Variants in RNF6 observed in about 807,000 individuals in gnomAD.
RNF6 encodes the protein E3 ubiquitin-protein ligase RNF6.
RNF6 carries 21 observed loss-of-function variants against 50.1 expected under a neutral mutation model. That is an observed-to-expected ratio of 0.42 (90% CI 0.30 to 0.60). RNF6 has a LOEUF of 0.60. Ranked by LOEUF, RNF6 falls within the 20% of genes least tolerant of loss-of-function variation. The pLI is 0.20. For synonymous variants in RNF6, 255 were observed against 291.8 expected (o/e 0.87, Z 1.29); for missense variants, 698 against 838.2 (o/e 0.83, Z 2.07).
intron 5 of RNF6, among the ~76,000 whole-genome samples, chr13:26,180,979 G>T (rs1346897995): frequency 6.6e-6 from 1 of 152,218 alleles, no homozygotes; most frequent in Admixed American, 6.5e-5. Flanking sequence ...CACTTGGGGT[G>T]CTGGCTGTCC....
chr13:26,166,819 C>T (rs1415211999), intron 5 of RNF6, among the ~76,000 whole-genome samples: 1 of 152,120 alleles, frequency 6.6e-6, no homozygotes, highest in Non-Finnish European at 1.5e-5. Flanking sequence ...ACTCAGGAGG[C>T]TGAGGCATGA....
rs145006986 is a variant in RNF6 at position 26,186,657 on chromosome 13, G to A, written n.768+28817C>T. The stretch of plus-strand genomic sequence containing the variant: ...TCTCAGCTCTCACAGGGCCCGCAGC[G>A]GCGCTATACCTTCGGCCACAGGTAG... On this transcript the variant is annotated intron_variant and non_coding_transcript_variant, in intron 5 of 5. Coordinates refer to the RNF6 transcript ENST00000468480. 4.8e-3 allele frequency among the ~76,000 whole-genome samples: 729 copies of A among 152,374 alleles called. 6 individuals carry two copies. The highest frequency in any genetic ancestry group is 8.1e-3 in the Non-Finnish European group (550 of 68,034).
chr13:26,167,930 C>T (rs115221849), intron 5 of RNF6, among the ~76,000 whole-genome samples: 2,336 of 152,236 alleles, frequency 0.015, 67 homozygotes, highest in African/African-American at 0.052. Context: ...TTATCCTTAG[C>T]AAACTAACAC....
At position 26,218,514 on chromosome 13, in the gene RNF6, T is replaced by G; in HGVS notation, c.286A>C (p.Arg96=). Residue 96 remains arginine (R), a synonymous_variant, in exon 4 of 5, where the codon AGA becomes CGA. Coordinates refer to ENST00000381588, the MANE Select transcript of RNF6 (RefSeq NM_005977.4). ...TATGGAAAGGACTCCATAGTACCTCTGTAATTCGTTCCATCTCTCAAGTCA... is the reference window on the plus strand; with the variant it reads ...TATGGAAAGGACTCCATAGTACCTCGGTAATTCGTTCCATCTCTCAAGTCA... ...QPDLRDGTNY[R]DSEVPRESSH... The G allele has an allele frequency of 6.2e-7, 1 of 1,612,716 alleles. No homozygotes were observed. The highest frequency in any genetic ancestry group is 8.5e-7 in the Non-Finnish European group (1 of 1,178,786).
At chr13:26,167,641 T>C (rs1440730762) in intron 5 of RNF6, among the ~76,000 whole-genome samples, 1 of 152,196 alleles carries the variant, frequency 6.6e-6, no homozygotes, top group African/African-American at 2.4e-5. Flanking sequence ...AAGCAGTACG[T>C]TGATTCCTTA....
chr13:26,189,648 T>G (rs1225680070), intron 5 of RNF6, among the ~76,000 whole-genome samples: 1 of 152,208 alleles, frequency 6.6e-6, no homozygotes, highest in Non-Finnish European at 1.5e-5. Context: ...AGCTTCATCC[T>G]CAGCACATTG....
intron 5 of RNF6, among the ~76,000 whole-genome samples, chr13:26,176,803 A>G (rs61193604): frequency 0.26 from 38,945 of 151,850 alleles, 5,471 homozygotes; most frequent in East Asian, 0.6. Context: ...GTGTGATGGC[A>G]CATGCCTGTA....
chr13:26,164,299 A>T (rs1195219136), intron 5 of RNF6, among the ~76,000 whole-genome samples: 1 of 152,192 alleles, frequency 6.6e-6, no homozygotes, highest in Non-Finnish European at 1.5e-5. Context: ...GATTTGATAT[A>T]GGCTAGAGCC....
chr13:26,189,470 T>C (rs1426851412), intron 5 of RNF6, among the ~76,000 whole-genome samples: 1 of 152,218 alleles, frequency 6.6e-6, no homozygotes, highest in East Asian at 1.9e-4. Flanking sequence ...ATATCTGTGT[T>C]CATACGAAAT....
At chr13:26,161,858 T>C (rs555959740) in intron 5 of RNF6, among the ~76,000 whole-genome samples, 1 of 152,318 alleles carries the variant, frequency 6.6e-6, no homozygotes, top group Admixed American at 6.5e-5. Flanking sequence ...CTCTTTCCCT[T>C]TCTGTTCCAC....
intron 2 of RNF6, among the ~76,000 whole-genome samples, chr13:26,220,224 G>A (rs1464198865): frequency 6.6e-6 from 1 of 152,128 alleles, no homozygotes; most frequent in African/African-American, 2.4e-5. Flanking sequence ...AAACTGGAAG[G>A]TGGTCTCTTA....
intron 5 of RNF6, among the ~76,000 whole-genome samples, chr13:26,181,167 G>C (rs796574153): frequency 2.0e-5 from 3 of 152,098 alleles, no homozygotes; most frequent in Admixed American, 1.3e-4. Flanking sequence ...TCCATTCCCC[G>C]CCCCTGTGCA....
chr13:26,149,998 A>T, intron 5 of RNF6, among the ~76,000 whole-genome samples: 1 of 133,526 alleles, frequency 7.5e-6, no homozygotes, highest in East Asian at 2.1e-4. Flanking sequence ...ATATATATAC[A>T]CAGTGTATAT....
At chr13:26,147,181 T>C (rs78376826) in intron 5 of RNF6, among the ~76,000 whole-genome samples, 23,772 of 152,204 alleles carry the variant, frequency 0.16, 1,995 homozygotes, top group Admixed American at 0.21. Context: ...GTTCCCCAGC[T>C]TTCTGCCTGT....
chr13:26,137,390 A>G (rs1870703869), intron 5 of RNF6, among the ~76,000 whole-genome samples: 1 of 152,094 alleles, frequency 6.6e-6, no homozygotes, highest in African/African-American at 2.4e-5. Context: ...TGCCCATTAT[A>G]TTACTTAAAA....
intron 5 of RNF6, among the ~76,000 whole-genome samples, chr13:26,147,081 A>C (rs1871288934): frequency 6.6e-6 from 1 of 152,214 alleles, no homozygotes; most frequent in South Asian, 2.1e-4. Flanking sequence ...GAATGGACTA[A>C]TACAGGGCCC....
In RNF6 at chr13:26,213,780, A is replaced by G. The variant is rs1319491889; in HGVS notation, c.*44T>C. On this transcript the variant is annotated 3_prime_UTR_variant, in exon 5 of 5. Transcript: ENST00000381588. ...TAACTCAGCAAAACAATGCTTGAACATTCAGTTCTACTAAAAAACAGTATT... is the reference window on the plus strand; with the variant it reads ...TAACTCAGCAAAACAATGCTTGAACGTTCAGTTCTACTAAAAAACAGTATT... 2.2e-5 allele frequency: 33 copies of G among 1,468,346 alleles called. No homozygotes were observed. Among genetic ancestry groups the G allele is most frequent in the Non-Finnish European group, 3.0e-5 (32 of 1,082,896 alleles). The allele number at this position is 1,468,346 out of a possible 1,614,324, so 91.0% of individuals were successfully genotyped here. A position where few individuals can be genotyped will look rare whatever the true frequency, so the allele number is the denominator to read the frequency against.
rs760689990 is a variant in RNF6 at position 26,215,223 on chromosome 13, C to A, written c.659G>T (p.Arg220Met). 147 of 1,614,184 alleles carry A rather than the reference C, an allele frequency of 9.1e-5. No homozygotes were observed. The highest frequency in any genetic ancestry group is 1.2e-4 in the Non-Finnish European group (140 of 1,180,020). Residue 220 changes from arginine to methionine, a missense_variant, in exon 5 of 5, where the codon AGG (arginine) becomes ATG (methionine). Physicochemically the swap from Arg to Met is moderately conservative, Grantham distance 91. Coordinates refer to ENST00000381588, the MANE Select transcript of RNF6 (RefSeq NM_005977.4). ...SNIPRTRLASRGQNPAEGSFS... is the reference protein window; with the variant it reads ...SNIPRTRLASMGQNPAEGSFS... ...AGATCCTTCAGCTGGATTTTGCCCC[C>A]TTGAAGCAAGCCTAGTCCTTGGAAT...
At chr13:26,169,310 G>A (rs1872582172) in intron 5 of RNF6, among the ~76,000 whole-genome samples, 1 of 152,184 alleles carries the variant, frequency 6.6e-6, no homozygotes, top group African/African-American at 2.4e-5. Context: ...AGAGTGTATG[G>A]GAGGGAGAAG....
Sources: allele counts gnomAD v4.1 joint callset (sites outside exome capture counted in the v4.1 genomes callset), GRCh38; gene constraint gnomAD v4.1.1; transcripts MANE v1.5; gene names NCBI Gene and HGNC (gene_info 2026-07-23, HGNC 2026-07-21).